C3orf49: variants seen among roughly 807,000 people sequenced by gnomAD.
C3orf49 encodes the protein putative uncharacterized protein C3orf49.
Under a neutral mutation model 13.3 loss-of-function variants are expected in C3orf49, and 27 were observed. That is an observed-to-expected ratio of 2.02 (90% CI 1.49 to 2.79). C3orf49 has a LOEUF of 2.79. C3orf49 is among the 30% of genes most tolerant of loss of function. The pLI, the probability that C3orf49 is intolerant of heterozygous loss-of-function variation, is 0.00. For synonymous variants in C3orf49, 87 were observed against 47.6 expected (o/e 1.83, Z -3.40); for missense variants, 242 against 134.2 (o/e 1.80, Z -3.97).
chr3:63,827,595 T>C lies in C3orf49; in HGVS notation c.446-6T>C. 2.9e-6 allele frequency: 2 copies of C among 700,988 alleles called. No individual in the cohort carries two copies. Among genetic ancestry groups the C allele is most frequent in the Non-Finnish European group, 5.2e-6 (2 of 384,168 alleles). 43.4% of individuals were successfully genotyped at this position (700,988 alleles called of 1,614,324 possible). On this transcript the variant is annotated splice_polypyrimidine_tract_variant and splice_region_variant and intron_variant, in intron 2 of 6. Coordinates refer to ENST00000295896, the MANE Select transcript of C3orf49 (RefSeq NM_001355236.2). ...TTACAGATTCCTTTTTCCCCCTTTC[T>C]TGAAGCGACTATACAACTTGATGTT... is the stretch of plus-strand genomic sequence containing the variant.
the C3orf49 span, among the ~76,000 whole-genome samples, chr3:63,798,994 A>G: frequency 2.0e-4 from 30 of 152,210 alleles, 1 homozygote; most frequent in South Asian, 5.6e-3. Flanking sequence ...GCTAAACCCT[A>G]TTGGACTGTG....
At chr3:63,836,471 A>G (rs1344938379) in intron 5 of C3orf49, 1 of 944,374 alleles carries the variant, frequency 1.1e-6, no homozygotes, top group Non-Finnish European at 1.6e-6. Flanking sequence ...ACATCAAGAA[A>G]TGAAATCACT....
chr3:63,840,394 C>A (rs953518840), intron 5 of C3orf49, among the ~76,000 whole-genome samples: 4 of 151,950 alleles, frequency 2.6e-5, no homozygotes, highest in Admixed American at 2.0e-4. Context: ...GAGTTTGAGA[C>A]CAGCCTGACC....
rs1437664277 is a variant in C3orf49, at chr3:63,823,233, AT to A, written c.126-12del. ...CTTTTCAGTTTCCCTAATATGAACC[AT>A]TTTTATTTTGTTTAGATGGCATAGA... is the stretch of plus-strand genomic sequence containing the variant. On this transcript the variant is annotated splice_polypyrimidine_tract_variant and intron_variant, in intron 1 of 6. Coordinates refer to ENST00000295896, the MANE Select transcript of C3orf49 (RefSeq NM_001355236.2). 3.0e-6 allele frequency: 2 copies of A among 669,200 alleles called. No homozygotes were observed. Among genetic ancestry groups the A allele is most frequent in the African/African-American group, 3.6e-5 (2 of 55,778 alleles). 41.5% of individuals were successfully genotyped at this position (669,200 alleles called of 1,614,324 possible).
chr3:63,781,027 C>A, the C3orf49 span, among the ~76,000 whole-genome samples: 1 of 151,106 alleles, frequency 6.6e-6, no homozygotes, highest in Non-Finnish European at 1.5e-5. Flanking sequence ...TCTTTTGTTG[C>A]CATTGCTTTT....
At chr3:63,830,896 T>C (rs933024690) in intron 3 of C3orf49, among the ~76,000 whole-genome samples, 1 of 152,222 alleles carries the variant, frequency 6.6e-6, no homozygotes, top group Non-Finnish European at 1.5e-5. Flanking sequence ...CATTTCTCTG[T>C]ACCCTATAGA....
chr3:63,809,101 T>C, the C3orf49 span, among the ~76,000 whole-genome samples: 4 of 152,258 alleles, frequency 2.6e-5, no homozygotes, highest in Non-Finnish European at 5.9e-5. Context: ...CAAAAAATTA[T>C]CTTCTACTTC....
At chr3:63,789,110 G>A in the C3orf49 span, among the ~76,000 whole-genome samples, 5 of 152,100 alleles carry the variant, frequency 3.3e-5, no homozygotes, top group Non-Finnish European at 5.9e-5. Flanking sequence ...GCGGGCGAGC[G>A]GGCATTACCA....
At chr3:63,846,121 A>T (rs1453235137) in intron 6 of C3orf49, 1 of 399,972 alleles carries the variant, frequency 2.5e-6, no homozygotes, top group African/African-American at 2.1e-5. Context: ...GGTAAAACTG[A>T]TGTAACTCCT....
At chr3:63,812,632 A>G in the C3orf49 span, among the ~76,000 whole-genome samples, 1 of 152,138 alleles carries the variant, frequency 6.6e-6, no homozygotes, top group Non-Finnish European at 1.5e-5. Context: ...CTCTTTTCCA[A>G]TTCTAGAAGT....
At chr3:63,784,189 G>T in the C3orf49 span, among the ~76,000 whole-genome samples, 1 of 152,138 alleles carries the variant, frequency 6.6e-6, no homozygotes, top group Non-Finnish European at 1.5e-5. Flanking sequence ...TAGCTCCTTT[G>T]ATTTAAATCA....
chr3:63,803,224 A>G, the C3orf49 span, among the ~76,000 whole-genome samples: 1 of 152,136 alleles, frequency 6.6e-6, no homozygotes, highest in Non-Finnish European at 1.5e-5. Context: ...AATATCCCCA[A>G]TTCTTAATAT....
In C3orf49 at chr3:63,821,904, T is replaced by C. The variant is rs190566884; in HGVS notation, c.126-1346T>C. ...AGTGTCAATATGCTGGTTGTGAAAA[T>C]ATAGTTTTGCAAGATGTCATCATTT... On this transcript the variant is annotated intron_variant, in intron 1 of 6. Transcript: ENST00000295896. Among the ~76,000 whole-genome samples the C allele has an allele frequency of 1.6e-4, 25 of 152,180 alleles. No individual in the cohort carries two copies. The East Asian group carries it at 3.7e-3, about 22-fold the overall frequency.
At chr3:63,783,725 A>T in the C3orf49 span, among the ~76,000 whole-genome samples, 1 of 150,118 alleles carries the variant, frequency 6.7e-6, no homozygotes, top group South Asian at 2.1e-4. Flanking sequence ...CTCAAAAAAA[A>T]ATTAAATTAA....
chr3:63,819,347 A>G lies in C3orf49; in HGVS notation c.-125A>G. ...GGGAAAGACTCTAAAAATTTCCTAC[A>G]TATTTTATTCCGAATAGCCCACACC... On this transcript the variant is annotated 5_prime_UTR_variant, in exon 1 of 7. Coordinates refer to ENST00000295896, the MANE Select transcript of C3orf49 (RefSeq NM_001355236.2). The G allele has an allele frequency of 1.7e-6, 1 of 596,636 alleles. No homozygotes were observed. Among genetic ancestry groups the G allele is most frequent in the Non-Finnish European group, 3.0e-6 (1 of 334,530 alleles). 37.0% of individuals were successfully genotyped at this position (596,636 alleles called of 1,614,324 possible).
At chr3:63,847,876 A>T (rs1408801826) in intron 6 of C3orf49, among the ~76,000 whole-genome samples, 1 of 152,244 alleles carries the variant, frequency 6.6e-6, no homozygotes, top group Non-Finnish European at 1.5e-5. Flanking sequence ...ACACCCATTC[A>T]ATAGGCCAAG....
chr3:63,843,850 G>A (rs1369226806), intron 5 of C3orf49, among the ~76,000 whole-genome samples: 1 of 151,838 alleles, frequency 6.6e-6, no homozygotes, highest in Non-Finnish European at 1.5e-5. Context: ...GCAGTGAACC[G>A]AGATCACGCC....
intron 5 of C3orf49, chr3:63,839,509 C>T: frequency 1.4e-6 from 1 of 727,880 alleles, no homozygotes; most frequent in Middle Eastern, 3.9e-4. Context: ...GAAGAAAAGG[C>T]CAAGAAAATC....
chr3:63,828,711 C>T (rs1701496671), intron 3 of C3orf49, among the ~76,000 whole-genome samples: 1 of 152,164 alleles, frequency 6.6e-6, no homozygotes, highest in African/African-American at 2.4e-5. Context: ...ATGTTCCAAA[C>T]TCTAAGTGCT....
Sources: allele counts gnomAD v4.1 joint callset (sites outside exome capture counted in the v4.1 genomes callset), GRCh38; gene constraint gnomAD v4.1.1; transcripts MANE v1.5; gene names NCBI Gene and HGNC (gene_info 2026-07-23, HGNC 2026-07-21).